The following ABCA10 variants were observed in gnomAD, a reference collection of about 807,000 sequenced individuals.
The protein encoded by ABCA10 is ATP binding cassette subfamily A member 10.
ABCA10 carries 169 observed loss-of-function variants against 187.5 expected under a neutral mutation model. The observed-to-expected ratio is 0.90, with a 90% CI of 0.80 to 1.02. ABCA10 has a LOEUF of 1.02. ABCA10 is among the 50% of genes least tolerant of loss of function. ABCA10 has a pLI of 0.00. For synonymous variants in ABCA10, 574 were observed against 601.8 expected, an observed-to-expected ratio of 0.95 and a Z score of 0.68; for missense variants, 1,727 against 1,812.4, an observed-to-expected ratio of 0.95 and a Z score of 0.86.
At chr17:69,207,544 T>C (rs1177983548) in intron 9 of ABCA10, among the ~76,000 whole-genome samples, 1 of 152,088 alleles carries the variant, frequency 6.6e-6, no homozygotes, top group Non-Finnish European at 1.5e-5. Flanking sequence ...GATATATATA[T>C]ATATACAATA....
At chr17:69,156,570 G>A (rs186996425) in intron 28 of ABCA10, among the ~76,000 whole-genome samples, 101 of 152,104 alleles carry the variant, frequency 6.6e-4, no homozygotes, top group Middle Eastern at 6.8e-3. Context: ...CACAACAGGA[G>A]GATTACTTGA....
At chr17:69,221,126 T>C (rs943465860) in intron 5 of ABCA10, among the ~76,000 whole-genome samples, 4 of 152,084 alleles carry the variant, frequency 2.6e-5, no homozygotes, top group African/African-American at 9.7e-5. Flanking sequence ...GGGAGATAAG[T>C]TGGCAAGAAG....
At chr17:69,213,891 T>C (rs775732990) in intron 9 of ABCA10, among the ~76,000 whole-genome samples, 9 of 152,242 alleles carry the variant, frequency 5.9e-5, no homozygotes, top group Non-Finnish European at 1.0e-4. Flanking sequence ...AATAACATTA[T>C]AGAAAGCATT....
chr17:69,234,192 G>A (rs2144862810), intron 1 of ABCA10: 1 of 152,636 alleles, frequency 6.6e-6, no homozygotes, highest in South Asian at 2.1e-4. Context: ...ATCTATTATG[G>A]GACAGAGGCT....
At chr17:69,196,218 G>A (rs144496313) in intron 11 of ABCA10, 11,444 of 159,780 alleles carry the variant, frequency 0.072, 537 homozygotes, top group Admixed American at 0.15. Context: ...CCTGGAGGGG[G>A]CGGCTGCCGG....
rs1326869306 is a variant in ABCA10, at chr17:69,153,992, G to A, written c.3804C>T (p.Ser1268=). ...CATGCTGTTGCCTTACTGATGCTCT[G>A]CTGCCTTGTAACACCACCTGCACAA... The part of the protein sequence containing the change: ...PTAGVVVLQG[S]RASVRQQHDN... Residue 1268 remains serine, a synonymous_variant, in exon 32 of 39, where the codon AGC becomes AGT. Coordinates refer to ENST00000690296, the MANE Select transcript of ABCA10 (RefSeq NM_001377321.1). The A allele has an allele frequency of 1.2e-6, 2 of 1,613,602 alleles. No individual in the cohort carries two copies. The highest frequency in any genetic ancestry group is 1.7e-4 in the Middle Eastern group (1 of 6,054).
intron 12 of ABCA10, 62 bp downstream of exon 12, chr17:69,194,323 T>C: frequency 2.2e-6 from 3 of 1,377,808 alleles, no homozygotes; most frequent in East Asian, 2.3e-5. Flanking sequence ...ATTTTTTACA[T>C]AATCAAACCA....
chr17:69,223,036 A>G (rs954073430), intron 3 of ABCA10, among the ~76,000 whole-genome samples: 1 of 142,152 alleles, frequency 7.0e-6, no homozygotes, highest in Admixed American at 7.1e-5. Flanking sequence ...GATATACACA[A>G]TTTGAATGAG....
intron 1 of ABCA10, among the ~76,000 whole-genome samples, chr17:69,241,608 C>T (rs2074903808): frequency 6.6e-6 from 1 of 152,168 alleles, no homozygotes; most frequent in African/African-American, 2.4e-5. Context: ...TCACACCTTG[C>T]CTCAGGGCCT....
intron 25 of ABCA10, among the ~76,000 whole-genome samples, chr17:69,169,762 G>GT (rs1568054132): frequency 6.6e-6 from 1 of 152,066 alleles, no homozygotes; most frequent in African/African-American, 2.4e-5. Context: ...AATATGATAC[G>GT]TATCAAAAAG....
chr17:69,151,281 C>T (rs367773428), intron 36 of ABCA10, among the ~76,000 whole-genome samples: 1 of 152,202 alleles, frequency 6.6e-6, no homozygotes, highest in Non-Finnish European at 1.5e-5. Flanking sequence ...GCTGACCAAA[C>T]CCTGCTCAGT....
rs2074168412 is a variant in ABCA10, at chr17:69,155,711, AAAG to A, written c.3576+91_3576+93del. The A allele has an allele frequency of 1.7e-5, 24 of 1,434,376 alleles. No individual in the cohort carries two copies. The South Asian group carries it at 3.3e-4, about 20-fold the overall frequency. The allele number at this position is 1,434,376 out of a possible 1,614,324, so 88.9% of individuals were successfully genotyped here. A position where few individuals can be genotyped will look rare whatever the true frequency, so the allele number is the denominator to read the frequency against. On this transcript the variant is annotated intron_variant, in intron 29 of 38. Coordinates refer to ENST00000690296, the MANE Select transcript of ABCA10 (RefSeq NM_001377321.1). ...TATAAATAGAAATATTAAAGAAACTAAAGCAGCTTTTCAAAATAAAAACCAACA... is the reference window on the plus strand; with the variant it reads ...TATAAATAGAAATATTAAAGAAACTACAGCTTTTCAAAATAAAAACCAACA...
intron 11 of ABCA10, 74 bp from the exon 12 acceptor site, chr17:69,194,569 T>C: frequency 1.0e-6 from 1 of 964,634 alleles, no homozygotes. Flanking sequence ...ATTGGAAAAG[T>C]AAAATATATC....
intron 36 of ABCA10, among the ~76,000 whole-genome samples, chr17:69,151,677 T>C (rs2074129039): frequency 6.6e-6 from 1 of 152,220 alleles, no homozygotes; most frequent in South Asian, 2.1e-4. Flanking sequence ...GAGCTCTTGA[T>C]GCAATTTATA....
At chr17:69,222,295 G>A (rs922705540) in intron 4 of ABCA10, among the ~76,000 whole-genome samples, 4 of 149,508 alleles carry the variant, frequency 2.7e-5, no homozygotes, top group Non-Finnish European at 4.4e-5. Context: ...CCAAGATCGC[G>A]CCACTGCACT....
Position 69,187,750 on chromosome 17 carries a change from C to A in ABCA10, c.2261G>T (p.Arg754Leu). The A allele has an allele frequency of 6.2e-7, 1 of 1,613,890 alleles. No homozygotes were observed. Among genetic ancestry groups the A allele is most frequent in the South Asian group, 1.1e-5 (1 of 91,070 alleles). Reference sequence around the variant, plus strand: ...AAGTGTTGCCACTGCATAGATTTGTCGTCTCCAGAGAGCTGCACTACTGAC... The same window carrying A: ...AAGTGTTGCCACTGCATAGATTTGTAGTCTCCAGAGAGCTGCACTACTGAC... The part of the protein sequence containing the change: ...KAVSSAALWR[R>L]QIYAVATLRF... Residue 754 changes from arginine to leucine, a missense_variant, in exon 19 of 39, where the codon CGA becomes CTA. Physicochemically the swap from Arg to Leu is moderately radical, Grantham distance 102 (BLOSUM62 -2). Coordinates refer to ENST00000690296, the MANE Select transcript of ABCA10 (RefSeq NM_001377321.1).
At chr17:69,160,157 G>A (rs2074204308) in intron 27 of ABCA10, among the ~76,000 whole-genome samples, 1 of 152,222 alleles carries the variant, frequency 6.6e-6, no homozygotes, top group African/African-American at 2.4e-5. Flanking sequence ...AATATTCTGT[G>A]CATCAAAGGA....
intron 9 of ABCA10, among the ~76,000 whole-genome samples, chr17:69,212,014 C>T (rs1598118821): frequency 6.6e-6 from 1 of 151,914 alleles, no homozygotes; most frequent in African/African-American, 2.4e-5. Flanking sequence ...TTTTCTTCTG[C>T]TGGGTTTGGG....
intron 29 of ABCA10, 55 bp downstream of exon 29, chr17:69,155,750 T>G (rs2074168645): frequency 1.3e-6 from 2 of 1,570,352 alleles, no homozygotes; most frequent in African/African-American, 2.7e-5. Context: ...TCTCATCAAT[T>G]CTAGAGGACA....
Sources: allele counts gnomAD v4.1 joint callset (sites outside exome capture counted in the v4.1 genomes callset), GRCh38; gene constraint gnomAD v4.1.1; transcripts MANE v1.5; gene names NCBI Gene and HGNC (gene_info 2026-07-23, HGNC 2026-07-21).